The following SLC35D4 variants were observed in gnomAD, a reference collection of about 807,000 sequenced individuals.
SLC35D4 encodes solute carrier family 35 member D4.
chr18:23,275,291 C>T, the SLC35D4 span, among the ~76,000 whole-genome samples: 1 of 152,108 alleles, frequency 6.6e-6, no homozygotes, highest in Non-Finnish European at 1.5e-5. Flanking sequence ...TTTTTCTGGC[C>T]CCAGAGGACT....
At chr18:23,429,197 C>G in the SLC35D4 span, among the ~76,000 whole-genome samples, 2 of 152,120 alleles carry the variant, frequency 1.3e-5, no homozygotes, top group African/African-American at 4.8e-5. Flanking sequence ...TTATTTTCCT[C>G]GAGTATATAC....
chr18:23,374,211 C>G, the SLC35D4 span, among the ~76,000 whole-genome samples: 1 of 152,210 alleles, frequency 6.6e-6, no homozygotes, highest in Non-Finnish European at 1.5e-5. Flanking sequence ...AACCCCACAA[C>G]CGAATGATCA....
At chr18:23,264,254 C>T in the SLC35D4 span, among the ~76,000 whole-genome samples, 2 of 152,030 alleles carry the variant, frequency 1.3e-5, no homozygotes, top group African/African-American at 4.8e-5. Flanking sequence ...CTGGAGAGGC[C>T]TCAGGGAGCT....
At chr18:23,312,430 A>G in the SLC35D4 span, among the ~76,000 whole-genome samples, 1 of 152,194 alleles carries the variant, frequency 6.6e-6, no homozygotes, top group Admixed American at 6.5e-5. Context: ...AAATGTTTGT[A>G]TAGTCTCCTG....
chr18:23,351,761 C>G, the SLC35D4 span, among the ~76,000 whole-genome samples: 2 of 152,152 alleles, frequency 1.3e-5, no homozygotes, highest in Non-Finnish European at 2.9e-5. Flanking sequence ...TTGTGGTTCC[C>G]CCACCACTTT....
At chr18:23,418,525 T>A in the SLC35D4 span, among the ~76,000 whole-genome samples, 3 of 151,656 alleles carry the variant, frequency 2.0e-5, no homozygotes, top group East Asian at 2.0e-4. Flanking sequence ...CATTTTTGTA[T>A]TTTTAGTAGA....
At chr18:23,305,814 C>A in the SLC35D4 span, among the ~76,000 whole-genome samples, 1 of 152,194 alleles carries the variant, frequency 6.6e-6, no homozygotes, top group African/African-American at 2.4e-5. Context: ...TATGGACCTG[C>A]CCTCAGGCAG....
the SLC35D4 span, among the ~76,000 whole-genome samples, chr18:23,261,068 A>C: frequency 6.6e-6 from 1 of 152,158 alleles, no homozygotes; most frequent in South Asian, 2.1e-4. Flanking sequence ...AAGGCTGCAA[A>C]CCTAAGACTG....
At chr18:23,283,761 A>T in the SLC35D4 span, among the ~76,000 whole-genome samples, 1 of 151,008 alleles carries the variant, frequency 6.6e-6, no homozygotes, top group Non-Finnish European at 1.5e-5. Flanking sequence ...TTGAGTCAAG[A>T]TTGTGCCACT....
chr18:23,436,033 CTTTTT>C, the SLC35D4 span, among the ~76,000 whole-genome samples: 2 of 96,238 alleles, frequency 2.1e-5, no homozygotes, highest in African/African-American at 4.1e-5. Flanking sequence ...AACACTTTCT[CTTTTT>C]TTTTTTTTTT....
chr18:23,243,050 A>G, the SLC35D4 span, among the ~76,000 whole-genome samples: 3 of 150,242 alleles, frequency 2.0e-5, no homozygotes, highest in Non-Finnish European at 4.4e-5. Flanking sequence ...ATAATTTAAT[A>G]ACATACTCAT....
chr18:23,271,767 T>C, the SLC35D4 span, among the ~76,000 whole-genome samples: 2 of 152,122 alleles, frequency 1.3e-5, no homozygotes, highest in Admixed American at 1.3e-4. Flanking sequence ...ACTGAGTTGA[T>C]CACCAAATGG....
the SLC35D4 span, among the ~76,000 whole-genome samples, chr18:23,304,571 G>A: frequency 6.6e-6 from 1 of 151,310 alleles, no homozygotes. Context: ...AAGAGAGAGA[G>A]GGAGAGAGAG....
At chr18:23,281,114 A>C in the SLC35D4 span, among the ~76,000 whole-genome samples, 5 of 152,122 alleles carry the variant, frequency 3.3e-5, no homozygotes, top group Non-Finnish European at 7.4e-5. Flanking sequence ...GTGGCTGCCT[A>C]GGTCAGTGGA....
the SLC35D4 span, among the ~76,000 whole-genome samples, chr18:23,319,876 C>T: frequency 2.0e-5 from 3 of 152,140 alleles, no homozygotes; most frequent in African/African-American, 4.8e-5. Context: ...GTTGCTTCTT[C>T]GATTTAAGGT....
At chr18:23,279,232 GGAA>G in the SLC35D4 span, among the ~76,000 whole-genome samples, 1 of 152,080 alleles carries the variant, frequency 6.6e-6, no homozygotes, top group African/African-American at 2.4e-5. Flanking sequence ...GTGAGAAGCA[GGAA>G]GAAGATAGAG....
chr18:23,324,171 G>A, the SLC35D4 span, among the ~76,000 whole-genome samples: 1 of 152,074 alleles, frequency 6.6e-6, no homozygotes. Flanking sequence ...TGCCCCAGGT[G>A]CACAAAGAAG....
At chr18:23,242,942 A>G in the SLC35D4 span, among the ~76,000 whole-genome samples, 1 of 152,068 alleles carries the variant, frequency 6.6e-6, no homozygotes, top group African/African-American at 2.4e-5. Context: ...TCAATGAAAG[A>G]AAGACTAATT....
chr18:23,335,111 T>G, the SLC35D4 span, among the ~76,000 whole-genome samples: 1 of 152,122 alleles, frequency 6.6e-6, no homozygotes, highest in Non-Finnish European at 1.5e-5. Context: ...GGTGAATAAC[T>G]ACACTTTATA....
Sources: allele counts gnomAD v4.1 joint callset (sites outside exome capture counted in the v4.1 genomes callset), GRCh38; gene constraint gnomAD v4.1.1; transcripts MANE v1.5; gene names NCBI Gene and HGNC (gene_info 2026-07-23, HGNC 2026-07-21).